The following RGPD2 variants were observed in gnomAD, a reference collection of about 807,000 sequenced individuals.
RGPD2 encodes RANBP2-like and GRIP domain-containing protein 2.
A neutral mutation model predicts 36.0 loss-of-function variants in RGPD2; 2 were observed. That is an observed-to-expected ratio of 0.06 (90% CI 0.02 to 0.17). The LOEUF is 0.17. Ranked by LOEUF, RGPD2 falls within the 10% of genes least tolerant of loss-of-function variation. RGPD2 has a pLI of 1.00. For missense variants in RGPD2, 40 were observed against 464.3 expected (o/e 0.09, Z 8.40); for synonymous variants, 19 against 163.8 (o/e 0.12, Z 6.75).
intron 1 of RGPD2, among the ~76,000 whole-genome samples, chr2:87,824,714 G>GGCCGAGGCCGCCGCCGCC (rs1686545206): frequency 3.8e-5 from 3 of 78,522 alleles, no homozygotes; most frequent in African/African-American, 1.1e-4. Context: ...CCGAGGCCGA[G>GGCCGAGGCCGCCGCCGCC]GCCGCCGCCG....
At chr2:87,956,448 C>T in the RGPD2 span, among the ~76,000 whole-genome samples, 1 of 147,986 alleles carries the variant, frequency 6.8e-6, no homozygotes, top group African/African-American at 2.5e-5. Context: ...TGTGTGTCTA[C>T]ATTTAAGTCT....
chr2:87,948,494 GCGTC>G, the RGPD2 span, among the ~76,000 whole-genome samples: 2 of 149,668 alleles, frequency 1.3e-5, no homozygotes. Flanking sequence ...TTATTCGCCT[GCGTC>G]AGCCTCCCCG....
chr2:87,984,041 G>T, the RGPD2 span, among the ~76,000 whole-genome samples: 6 of 148,530 alleles, frequency 4.0e-5, no homozygotes, highest in South Asian at 1.3e-3. Context: ...GGATTACTTT[G>T]GCCACTGGTC....
At chr2:87,760,876 C>T (rs1198815133) in intron 22 of RGPD2, among the ~76,000 whole-genome samples, 1 of 148,876 alleles carries the variant, frequency 6.7e-6, no homozygotes, top group Non-Finnish European at 1.5e-5. Flanking sequence ...CTCGGCCTCC[C>T]AAATTGCTGG....
chr2:87,967,549 T>C, the RGPD2 span, among the ~76,000 whole-genome samples: 2 of 149,800 alleles, frequency 1.3e-5, no homozygotes, highest in Non-Finnish European at 2.9e-5. Flanking sequence ...TTTTTAAATA[T>C]ATCCATAAGC....
the RGPD2 span, chr2:87,985,864 C>A: frequency 5.0e-6 from 8 of 1,609,916 alleles, no homozygotes; most frequent in Middle Eastern, 4.5e-4. Flanking sequence ...AGCATCTGAA[C>A]TGCTATTTCT....
the RGPD2 span, among the ~76,000 whole-genome samples, chr2:87,877,336 G>C: frequency 6.6e-6 from 1 of 152,214 alleles, no homozygotes; most frequent in African/African-American, 2.4e-5. Context: ...TGTAGTGTTT[G>C]GTAATGGTTT....
chr2:87,853,872 A>G, the RGPD2 span, among the ~76,000 whole-genome samples: 25 of 152,250 alleles, frequency 1.6e-4, no homozygotes, highest in Non-Finnish European at 3.1e-4. Flanking sequence ...GCCTAGGCTG[A>G]CTATTTGTAG....
the RGPD2 span, among the ~76,000 whole-genome samples, chr2:87,923,234 G>C: frequency 3.8e-4 from 58 of 152,218 alleles, no homozygotes; most frequent in African/African-American, 1.2e-3. Context: ...CATTCATAGG[G>C]AGACAAAAAA....
the RGPD2 span, among the ~76,000 whole-genome samples, chr2:87,871,587 C>T: frequency 1.4e-4 from 21 of 145,316 alleles, no homozygotes; most frequent in South Asian, 2.2e-4. Flanking sequence ...GATTCAGGTC[C>T]GGGTGCGGTG....
chr2:87,940,742 G>A, the RGPD2 span, among the ~76,000 whole-genome samples: 3 of 149,514 alleles, frequency 2.0e-5, no homozygotes, highest in Non-Finnish European at 3.0e-5. Context: ...AAAACATAAT[G>A]AGAAATTTCA....
chr2:87,769,468 G>A (rs1685056617), intron 22 of RGPD2, among the ~76,000 whole-genome samples: 1 of 148,352 alleles, frequency 6.7e-6, no homozygotes, highest in Non-Finnish European at 1.5e-5. Context: ...TTAGAGTTCT[G>A]GGTTTCTAAT....
the RGPD2 span, among the ~76,000 whole-genome samples, chr2:87,967,251 CAA>C: frequency 7.0e-6 from 1 of 143,058 alleles, no homozygotes; most frequent in Non-Finnish European, 1.5e-5. Flanking sequence ...ACTAAAAATA[CAA>C]AAAAATTAGC....
At chr2:87,844,223 TA>T in the RGPD2 span, among the ~76,000 whole-genome samples, 3 of 141,318 alleles carry the variant, frequency 2.1e-5, no homozygotes, top group South Asian at 4.6e-4. Flanking sequence ...AATAATAAAA[TA>T]AAAAAATAAA....
the RGPD2 span, among the ~76,000 whole-genome samples, chr2:87,979,182 C>T: frequency 5.5e-3 from 826 of 151,088 alleles, 1 homozygote; most frequent in African/African-American, 0.019. Context: ...TGCAGTGAGC[C>T]GAGATCGTGC....
the RGPD2 span, among the ~76,000 whole-genome samples, chr2:87,837,306 T>C: frequency 6.6e-6 from 1 of 151,990 alleles, no homozygotes; most frequent in African/African-American, 2.4e-5. Context: ...TACCCTGAAA[T>C]TGACCACACA....
At chr2:87,985,982 C>T in the RGPD2 span, 12 of 1,214,954 alleles carry the variant, frequency 9.9e-6, no homozygotes, top group Non-Finnish European at 1.3e-5. Flanking sequence ...TTTCAATAAC[C>T]AAGTTTTTTT....
chr2:87,972,967 G>A, the RGPD2 span: 3 of 1,613,894 alleles, frequency 1.9e-6, no homozygotes, highest in Admixed American at 5.0e-5. Context: ...CATGCCATGG[G>A]GCTGGTCCTT....
chr2:87,809,254 G>A lies in RGPD2; in HGVS notation c.779+2231C>T, dbSNP rs1469997616. Among the ~76,000 whole-genome samples, 18 of 150,376 alleles carry A rather than the reference G, an allele frequency of 1.2e-4. 1 individual carries two copies. The highest frequency in any genetic ancestry group is 6.1e-4 in the East Asian group (3 of 4,908). On this transcript the variant is annotated intron_variant, in intron 6 of 22. Transcript: ENST00000398146. ...CTGGAGACAGAGCTTGCAGTGAGCC[G>A]AGATGGCGCCACTGCACTCCAGCCT...
Sources: allele counts gnomAD v4.1 joint callset (sites outside exome capture counted in the v4.1 genomes callset), GRCh38; gene constraint gnomAD v4.1.1; transcripts MANE v1.5; gene names NCBI Gene and HGNC (gene_info 2026-07-23, HGNC 2026-07-21).